MNAT1: variants seen among roughly 807,000 people sequenced by gnomAD.
MNAT1 encodes MNAT1 component of CDK activating kinase.
MNAT1 carries 43 observed loss-of-function variants against 42.0 expected under a neutral mutation model. The ratio of observed to expected loss-of-function variants is 1.02; its 90% CI spans 0.80 to 1.32. The LOEUF is 1.32. Ranked by LOEUF, MNAT1 falls within the 40% of genes most tolerant of loss-of-function variation. The pLI, the probability that MNAT1 is intolerant of heterozygous loss-of-function variation, is 0.00. For missense variants in MNAT1, 306 were observed against 350.4 expected (o/e 0.87, Z 1.01); for synonymous variants, 118 against 120.0 (o/e 0.98, Z 0.11).
rs533680609 is a variant in MNAT1 at position 60,905,647 on chromosome 14, G to A, written c.809+25812G>A. 2.0e-5 allele frequency among the ~76,000 whole-genome samples: 3 copies of A among 152,308 alleles called. No homozygotes were observed. In the South Asian group the frequency reaches 6.2e-4, roughly 32 times the overall value. On this transcript the variant is annotated intron_variant, in intron 7 of 7. Transcript: ENST00000261245. ...GAAGGCCTGAGAATGGAGACTTAGCGGGGGTGGAGGTGAAAGTCATGGAGT... is the reference window on the plus strand; with the variant it reads ...GAAGGCCTGAGAATGGAGACTTAGCAGGGGTGGAGGTGAAAGTCATGGAGT...
chr14:60,756,640 A>G (rs977060233), intron 1 of MNAT1, among the ~76,000 whole-genome samples: 2 of 152,216 alleles, frequency 1.3e-5, no homozygotes, highest in South Asian at 2.1e-4. Context: ...AAGCAAGTAT[A>G]AAGTTTTAGT....
intron 1 of MNAT1, among the ~76,000 whole-genome samples, chr14:60,747,300 T>C (rs2029881608): frequency 6.6e-6 from 1 of 151,990 alleles, no homozygotes; most frequent in Admixed American, 6.6e-5. Flanking sequence ...TATGTCTTAA[T>C]GATGGGTATC....
At chr14:60,744,846 T>C (rs1013018741) in intron 1 of MNAT1, among the ~76,000 whole-genome samples, 4 of 152,200 alleles carry the variant, frequency 2.6e-5, no homozygotes. Flanking sequence ...ATATCTGAGA[T>C]GTTAATAAGG....
chr14:60,804,987 A>G (rs183679120), intron 3 of MNAT1, among the ~76,000 whole-genome samples: 1 of 152,304 alleles, frequency 6.6e-6, no homozygotes, highest in African/African-American at 2.4e-5. Flanking sequence ...TGGGATATCA[A>G]TTTGACCGCT....
chr14:60,821,602 A>G (rs549385537), intron 6 of MNAT1, among the ~76,000 whole-genome samples: 1 of 152,312 alleles, frequency 6.6e-6, no homozygotes, highest in East Asian at 1.9e-4. Flanking sequence ...TAATTTATGC[A>G]TCGATCAAGT....
chr14:60,908,816 A>G (rs1252769033), intron 7 of MNAT1, among the ~76,000 whole-genome samples: 2 of 152,222 alleles, frequency 1.3e-5, no homozygotes, highest in African/African-American at 2.4e-5. Flanking sequence ...AGCATGATTT[A>G]TAATTCTTTG....
rs999390535 is a variant in MNAT1, at chr14:60,968,524, A to G, written c.*175A>G. 8.9e-6 allele frequency: 13 copies of G among 1,458,932 alleles called. No homozygotes were observed. Among genetic ancestry groups the G allele is most frequent in the Non-Finnish European group, 1.0e-5 (11 of 1,097,194 alleles). 90.4% of individuals were successfully genotyped at this position (1,458,932 alleles called of 1,614,324 possible). ...AAGTTGAGTAATATAGGGGATATAT[A>G]TTTGTGAAAAATAATTTTTACTTAT... is the stretch of plus-strand genomic sequence containing the variant. On this transcript the variant is annotated 3_prime_UTR_variant, in exon 8 of 8. Coordinates refer to ENST00000261245, the MANE Select transcript of MNAT1 (RefSeq NM_002431.4).
At chr14:60,775,563 T>C (rs1468384640) in intron 1 of MNAT1, among the ~76,000 whole-genome samples, 6 of 152,204 alleles carry the variant, frequency 3.9e-5, no homozygotes, top group African/African-American at 1.4e-4. Context: ...AAACTCATAA[T>C]GCAGGAGAAG....
intron 7 of MNAT1, among the ~76,000 whole-genome samples, chr14:60,909,394 T>TAACA (rs1450595312): frequency 1.4e-4 from 22 of 152,220 alleles, no homozygotes; most frequent in Non-Finnish European, 2.2e-4. Flanking sequence ...ATGAAGTCCT[T>TAACA]GCCCATGCCT....
At chr14:60,762,335 T>G (rs887234718) in intron 1 of MNAT1, among the ~76,000 whole-genome samples, 2 of 152,020 alleles carry the variant, frequency 1.3e-5, no homozygotes, top group Non-Finnish European at 2.9e-5. Flanking sequence ...TTATGATGGA[T>G]TATAGGTGGT....
At chr14:60,953,551 A>G (rs1325758943) in intron 7 of MNAT1, among the ~76,000 whole-genome samples, 1 of 152,180 alleles carries the variant, frequency 6.6e-6, no homozygotes, top group Non-Finnish European at 1.5e-5. Flanking sequence ...TTGTATTGAA[A>G]TTATCAAATA....
intron 5 of MNAT1, among the ~76,000 whole-genome samples, chr14:60,816,447 G>T (rs1016132728): frequency 1.3e-5 from 2 of 151,974 alleles, no homozygotes; most frequent in Admixed American, 1.3e-4. Context: ...GTTGTCAAAC[G>T]CAGTAGGTGA....
At chr14:60,873,821 A>G (rs2034380371) in intron 6 of MNAT1, among the ~76,000 whole-genome samples, 1 of 152,084 alleles carries the variant, frequency 6.6e-6, no homozygotes, top group Non-Finnish European at 1.5e-5. Context: ...TGTACTTAAC[A>G]TTTTACTAAT....
At chr14:60,807,311 TATTAAAGGAAAGAGTGAGA>T in intron 3 of MNAT1, among the ~76,000 whole-genome samples, 2 of 152,128 alleles carry the variant, frequency 1.3e-5, no homozygotes, top group African/African-American at 4.8e-5. Context: ...TCTTATAAGC[TATTAAAGGAAAGAGTGAGA>T]TGGGGAAGCA....
chr14:60,749,432 A>G (rs184164947), intron 1 of MNAT1, among the ~76,000 whole-genome samples: 1 of 152,278 alleles, frequency 6.6e-6, no homozygotes, highest in Admixed American at 6.5e-5. Flanking sequence ...GCATAAAAAT[A>G]TTATGTCTAA....
At chr14:60,870,567 T>G (rs2034306258) in intron 6 of MNAT1, among the ~76,000 whole-genome samples, 1 of 152,142 alleles carries the variant, frequency 6.6e-6, no homozygotes, top group African/African-American at 2.4e-5. Context: ...CCACACCCAT[T>G]TCTTATTCTT....
chr14:60,809,091 A>G (rs1482390793), intron 4 of MNAT1: 1 of 152,160 alleles, frequency 6.6e-6, no homozygotes, highest in Non-Finnish European at 1.5e-5. Context: ...AAAAAATTGT[A>G]TGCATGCAAA....
intron 6 of MNAT1, among the ~76,000 whole-genome samples, chr14:60,867,503 T>C (rs1478560914): frequency 6.6e-6 from 1 of 152,116 alleles, no homozygotes; most frequent in Non-Finnish European, 1.5e-5. Flanking sequence ...AAAAAGAATG[T>C]AGTCTGATGA....
chr14:60,823,020 G>A (rs1286907183), intron 6 of MNAT1, among the ~76,000 whole-genome samples: 1 of 152,172 alleles, frequency 6.6e-6, no homozygotes, highest in Non-Finnish European at 1.5e-5. Flanking sequence ...GCCTCCCAGA[G>A]TGTTGGGATT....
Sources: gnomAD v4.1 joint callset for allele counts (sites outside exome capture counted in the v4.1 genomes callset) on GRCh38, gnomAD v4.1.1 for gene constraint, MANE v1.5 for transcripts, NCBI Gene and HGNC (gene_info 2026-07-23, HGNC 2026-07-21) for gene names.